AEBP1: variants seen among roughly 807,000 people sequenced by gnomAD.
The protein encoded by AEBP1 is AE binding protein 1.
AEBP1 carries 69 observed loss-of-function variants against 116.5 expected under a neutral mutation model. That is an observed-to-expected ratio of 0.59 (90% CI 0.49 to 0.72). The LOEUF (loss-of-function observed/expected upper bound fraction) is 0.72. Ranked by LOEUF, AEBP1 falls within the 30% of genes least tolerant of loss-of-function variation. The pLI is 0.00. For missense variants in AEBP1, 1,444 were observed against 1,557.5 expected (o/e 0.93, Z 1.23); for synonymous variants, 627 against 627.3 (o/e 1.00, Z 0.01).
In AEBP1 at chr7:44,108,522, C is replaced by A. The variant is rs191202710; in HGVS notation, c.941-377C>A. On this transcript the variant is annotated intron_variant, in intron 6 of 20. Coordinates refer to ENST00000223357, the MANE Select transcript of AEBP1 (RefSeq NM_001129.5). The surrounding 1 kb of genome is among the most constrained non-coding windows in gnomAD (Gnocchi z 5.0). ...TTCCCTTTCCTCCTGGGTGGCAGCCCGTGCATCGCCATTTCCCTGCCCCCA... is the reference window on the plus strand; with the variant it reads ...TTCCCTTTCCTCCTGGGTGGCAGCCAGTGCATCGCCATTTCCCTGCCCCCA... Among the ~76,000 whole-genome samples the A allele has an allele frequency of 6.6e-6, 1 of 152,090 alleles. No individual in the cohort carries two copies. The highest frequency in any genetic ancestry group is 1.5e-5 in the Non-Finnish European group (1 of 67,990).
rs879119975 is a variant in AEBP1, at chr7:44,113,486, G to T, written c.2810-108G>T. ...AAATTCAGAGAGGGAGGGCGGTGCT[G>T]GGGGCGGGAACTCAGAGGGGGAGGG... On this transcript the variant is annotated intron_variant, in intron 20 of 20. Coordinates refer to ENST00000223357, the MANE Select transcript of AEBP1 (RefSeq NM_001129.5). The surrounding 1 kb of genome is among the most constrained non-coding windows in gnomAD (Gnocchi z 5.3). 1 of 1,351,636 alleles carries T rather than the reference G, an allele frequency of 7.4e-7. No homozygotes were observed. The highest frequency in any genetic ancestry group is 9.8e-7 in the Non-Finnish European group (1 of 1,021,192). 83.7% of individuals were successfully genotyped at this position (1,351,636 alleles called of 1,614,324 possible).
rs2096228668 is a variant in AEBP1 at position 44,110,944 on chromosome 7, C to A, written c.1517C>A (p.Pro506His). Residue 506 changes from proline to histidine, a missense_variant, in exon 13 of 21, where the codon CCC becomes CAC. Physicochemically the swap from Pro to His is moderately conservative, Grantham distance 77. Coordinates refer to ENST00000223357, the MANE Select transcript of AEBP1 (RefSeq NM_001129.5). Reference sequence around the variant, plus strand: ...CATGGGAACGTGGACAAGGACACACCCGTGCTGAGTGAGCTCCCAGAGCCG... The same window carrying A: ...CATGGGAACGTGGACAAGGACACACACGTGCTGAGTGAGCTCCCAGAGCCG... ...TFHGNVDKDT[P>H]VLSELPEPVV... 6.2e-7 allele frequency: 1 copy of A among 1,613,916 alleles called. No individual in the cohort carries two copies. Among genetic ancestry groups the A allele is most frequent in the African/African-American group, 1.3e-5 (1 of 74,922 alleles).
chr7:44,108,310 T>G lies in AEBP1; in HGVS notation c.940+226T>G, dbSNP rs1379023725. On this transcript the variant is annotated intron_variant, in intron 6 of 20. Coordinates refer to ENST00000223357, the MANE Select transcript of AEBP1 (RefSeq NM_001129.5). The surrounding 1 kb of genome is among the most constrained non-coding windows in gnomAD (Gnocchi z 5.0). ...GCCGCTTCCCTGGTTCCTGCTTGGC[T>G]GTGACCCCCACAGGGGTGTCCCTAG... Among the ~76,000 whole-genome samples, 1 of 152,080 alleles carries G rather than the reference T, an allele frequency of 6.6e-6. No individual in the cohort carries two copies.
At chr7:44,105,004 A>G in intron 1 of AEBP1, 86 bp downstream of exon 1, 1 of 1,125,328 alleles carries the variant, frequency 8.9e-7, no homozygotes. Flanking sequence ...GCCACTCCCC[A>G]GTCTGCTAGG....
chr7:44,107,405 C>T lies in AEBP1; in HGVS notation c.596-34C>T. 6.2e-7 allele frequency: 1 copy of T among 1,610,586 alleles called. No homozygotes were observed. Among genetic ancestry groups the T allele is most frequent in the South Asian group, 1.1e-5 (1 of 91,004 alleles). On this transcript the variant is annotated intron_variant, in intron 2 of 20. Transcript: ENST00000223357. The surrounding 1 kb of genome is among the most constrained non-coding windows in gnomAD (Gnocchi z 4.3). ...TCCCAAGGTGGTCAGAGCAGGCCTCCCGCCCACCTGCTTCTGGAACTCCTG... is the reference window on the plus strand; with the variant it reads ...TCCCAAGGTGGTCAGAGCAGGCCTCTCGCCCACCTGCTTCTGGAACTCCTG...
At position 44,107,303 on chromosome 7, in the gene AEBP1, TC is replaced by T; in HGVS notation, c.596-134del. ...GCTGAAGGCCAGAGGAGCTCAGGCC[TC>T]CTTGGAGTGAGCTCGGCCTCAGGAG... is the stretch of plus-strand genomic sequence containing the variant. On this transcript the variant is annotated intron_variant, in intron 2 of 20. Transcript: ENST00000223357. The surrounding 1 kb of genome is among the most constrained non-coding windows in gnomAD (Gnocchi z 4.3). 1.2e-6 allele frequency: 1 copy of T among 835,924 alleles called. No individual in the cohort carries two copies. 51.8% of individuals were successfully genotyped at this position (835,924 alleles called of 1,614,324 possible). A position where few individuals can be genotyped will look rare whatever the true frequency, so the allele number is the denominator to read the frequency against.
At position 44,110,001 on chromosome 7, in the gene AEBP1, G is replaced by T. The variant is rs769517797; in HGVS notation, c.1151-14G>T. The T allele has an allele frequency of 2.6e-5, 42 of 1,608,964 alleles. No individual in the cohort carries two copies. Among genetic ancestry groups the T allele is most frequent in the Non-Finnish European group, 2.9e-5 (34 of 1,176,972 alleles). ...GGAGCTAGTGAGCCACCATTCTGGGGTACGCGTCCTCAGAGTGTCCCCCCA... is the reference window on the plus strand; with the variant it reads ...GGAGCTAGTGAGCCACCATTCTGGGTTACGCGTCCTCAGAGTGTCCCCCCA... On this transcript the variant is annotated splice_polypyrimidine_tract_variant and intron_variant, in intron 9 of 20. Transcript: ENST00000223357.
In AEBP1 at chr7:44,112,648, T is replaced by C; in HGVS notation, c.2308T>C (p.Ser770Pro). ...TCTGAACGGCGGCGAGCGGCTAGTA[T>C]CCTACCCCTACGATATGGCCCGCAC... is the stretch of plus-strand genomic sequence containing the variant. Reference protein sequence around the residue: ...ANLNGGERLVSYPYDMARTPT... With the variant: ...ANLNGGERLVPYPYDMARTPT... The change falls in exon 18 of 21, where the codon TCC becomes CCC. Residue 770 changes from serine (S) to proline (P), a missense_variant. By Grantham distance (74) the Ser-to-Pro change is moderately conservative (BLOSUM62 -1). Transcript: ENST00000223357. This position sits in a 1 kb window ranked among gnomAD's most constrained non-coding sequence, Gnocchi z 6.6. 6.2e-7 allele frequency: 1 copy of C among 1,613,172 alleles called. No individual in the cohort carries two copies. The highest frequency in any genetic ancestry group is 8.5e-7 in the Non-Finnish European group (1 of 1,179,964).
At chr7:44,109,976 G>T (rs1380357469) in intron 9 of AEBP1, 39 bp from the exon 10 acceptor site, 1 of 1,570,552 alleles carries the variant, frequency 6.4e-7, no homozygotes, top group Admixed American at 1.7e-5. Flanking sequence ...AGGGAAGGAT[G>T]GAGCTAGTGA....
rs2096223681 is a variant in AEBP1 at position 44,107,033 on chromosome 7, C to T, written c.595+146C>T. ...GGAACCTCACTTTTGCTATAAATTT[C>T]ACAATTTGATTGGTGGGCTCCCTCA... On this transcript the variant is annotated intron_variant, in intron 2 of 20. Coordinates refer to ENST00000223357, the MANE Select transcript of AEBP1 (RefSeq NM_001129.5). This position sits in a 1 kb window ranked among gnomAD's most constrained non-coding sequence, Gnocchi z 4.3. 1 of 705,886 alleles carries T rather than the reference C, an allele frequency of 1.4e-6. No individual in the cohort carries two copies. The highest frequency in any genetic ancestry group is 1.8e-5 in the African/African-American group (1 of 55,858). The allele number at this position is 705,886 out of a possible 1,614,324, so 43.7% of individuals were successfully genotyped here. A position where few individuals can be genotyped will look rare whatever the true frequency, so the allele number is the denominator to read the frequency against.
In AEBP1 at chr7:44,111,773, G is replaced by T. The variant is rs2096229668; in HGVS notation, c.1841-81G>T. 3.3e-6 allele frequency: 5 copies of T among 1,534,492 alleles called. No homozygotes were observed. In the Admixed American group the frequency reaches 7.7e-5, roughly 24 times the overall value. ...CCCCAGCTGTCCCCCAGACCCTCGG[G>T]TATGAGGTGGGTCTGGGTCCTTCCT... is the stretch of plus-strand genomic sequence containing the variant. On this transcript the variant is annotated intron_variant, in intron 15 of 20. Transcript: ENST00000223357. This position sits in a 1 kb window ranked among gnomAD's most constrained non-coding sequence, Gnocchi z 4.7.
At chr7:44,106,438 G>A (rs774405646) in intron 1 of AEBP1, 108 bp from the exon 2 acceptor site, 5 of 1,212,498 alleles carry the variant, frequency 4.1e-6, no homozygotes, top group East Asian at 2.5e-5. Flanking sequence ...GATCCGCACT[G>A]GGAACTGACA....
In AEBP1 at chr7:44,114,153, C is replaced by T. The variant is rs542261906; in HGVS notation, c.3369C>T (p.Pro1123=). 69 of 1,613,982 alleles carry T rather than the reference C, an allele frequency of 4.3e-5. 1 individual carries two copies. The Middle Eastern group carries it at 8.2e-4, about 19-fold the overall frequency. Residue 1123 remains proline, a synonymous_variant, in exon 21 of 21, where the codon CCC becomes CCT. Transcript: ENST00000223357. ...LEPEFETQLE[P]EFEEEEEEEK... is the part of the protein sequence containing the mutation. ...CTGAGTTTGAGACCCAGCTGGAACC[C>T]GAGTTTGAGGAAGAGGAGGAGGAGG... is the stretch of plus-strand genomic sequence containing the variant.
chr7:44,106,863 C>T lies in AEBP1; in HGVS notation c.571C>T (p.Pro191Ser), dbSNP rs1421144047. 6.3e-7 allele frequency: 1 copy of T among 1,591,212 alleles called. No homozygotes were observed. The highest frequency in any genetic ancestry group is 2.3e-5 in the East Asian group (1 of 44,258). The change falls in exon 2 of 21, where the codon CCC (proline) becomes TCC (serine). Residue 191 changes from proline to serine, a missense_variant. Transcript: ENST00000223357. Reference protein sequence around the residue: ...WPLPPPPSPGPEELPQEGGAP... With the variant: ...WPLPPPPSPGSEELPQEGGAP... ...ACTGCCCCCACCCCCCAGCCCTGGC[C>T]CCGAGGAGCTACCCCAGGAGGGAGG...
rs375971200 is a variant in AEBP1 at position 44,113,549 on chromosome 7, C to T, written c.2810-45C>T. On this transcript the variant is annotated intron_variant, in intron 20 of 20. Coordinates refer to ENST00000223357, the MANE Select transcript of AEBP1 (RefSeq NM_001129.5). This position sits in a 1 kb window ranked among gnomAD's most constrained non-coding sequence, Gnocchi z 5.3. The stretch of plus-strand genomic sequence containing the variant: ...CAGGACTGAGTGGGAGGGTGGGGGC[C>T]TGGGAGGGGCGCTCTGGGGCAGCCG... 6 of 1,484,832 alleles carry T rather than the reference C, an allele frequency of 4.0e-6. No homozygotes were observed. Among genetic ancestry groups the T allele is most frequent in the Non-Finnish European group, 5.4e-6 (6 of 1,117,668 alleles). The allele number at this position is 1,484,832 out of a possible 1,614,324, so 92.0% of individuals were successfully genotyped here.
Position 44,107,889 on chromosome 7 carries a change from C to T in AEBP1, c.820C>T (p.Pro274Ser). 6.2e-7 allele frequency: 1 copy of T among 1,600,204 alleles called. No homozygotes were observed. Among genetic ancestry groups the T allele is most frequent in the South Asian group, 1.1e-5 (1 of 89,232 alleles). The change falls in exon 5 of 21, where the codon CCT becomes TCT. Residue 274 changes from proline (P) to serine (S), a missense_variant. By Grantham distance (74) the Pro-to-Ser change is moderately conservative. Coordinates refer to ENST00000223357, the MANE Select transcript of AEBP1 (RefSeq NM_001129.5). The surrounding 1 kb of genome is among the most constrained non-coding windows in gnomAD (Gnocchi z 4.3). The stretch of plus-strand genomic sequence containing the variant: ...GCCCGAGCGGGTCTGGCCAGAGCCC[C>T]CTGAGGAGAAGGCCCCGGCCCCAGC... ...RRPERVWPEP[P>S]EEKAPAPAPE... is the part of the protein sequence containing the mutation.
At position 44,111,432 on chromosome 7, in the gene AEBP1, C is replaced by T; in HGVS notation, c.1717-75C>T. 1.3e-6 allele frequency: 2 copies of T among 1,506,774 alleles called. No individual in the cohort carries two copies. The highest frequency in any genetic ancestry group is 1.8e-6 in the Non-Finnish European group (2 of 1,126,542). The allele number at this position is 1,506,774 out of a possible 1,614,324, so 93.3% of individuals were successfully genotyped here. ...GCCCGTCCCTCGCCATAGAGCAGGC[C>T]CTGGAAGTGGAAGGGGCATGGTCAG... On this transcript the variant is annotated intron_variant, in intron 14 of 20. Transcript: ENST00000223357. The surrounding 1 kb of genome is among the most constrained non-coding windows in gnomAD (Gnocchi z 4.7).
At position 44,114,101 on chromosome 7, in the gene AEBP1, A is replaced by T; in HGVS notation, c.3317A>T (p.Glu1106Val). 1.9e-6 allele frequency: 3 copies of T among 1,613,872 alleles called. No individual in the cohort carries two copies. Among genetic ancestry groups the T allele is most frequent in the Non-Finnish European group, 2.5e-6 (3 of 1,179,988 alleles). ...GAGCCCGAGTTTGGGACCAAGGTGG[A>T]GCCCGAGTTTGAGACCCAGTTGGAG... ...EVEPEFGTKV[E>V]PEFETQLEPE... Residue 1106 changes from glutamate to valine, a missense_variant, in exon 21 of 21, where the codon GAG becomes GTG. Glu to Val is a moderately radical substitution (Grantham distance 121). Coordinates refer to ENST00000223357, the MANE Select transcript of AEBP1 (RefSeq NM_001129.5).
rs755589939 is a variant in AEBP1, at chr7:44,112,279, T to C, written c.2175T>C (p.Asn725=). 4.4e-6 allele frequency: 7 copies of C among 1,585,190 alleles called. No individual in the cohort carries two copies. The highest frequency in any genetic ancestry group is 3.4e-5 in the South Asian group (3 of 88,698). Residue 725 remains asparagine (N), a synonymous_variant, in exon 17 of 21, where the codon AAT becomes AAC. Transcript: ENST00000223357. The surrounding 1 kb of genome is among the most constrained non-coding windows in gnomAD (Gnocchi z 6.6). The stretch of plus-strand genomic sequence containing the variant: ...GGGTCCCCTACCGGGTCCCCAACAA[T>C]AACTTGCCCATCCCTGAACGCTACC... The part of the protein sequence containing the change: ...RKWVPYRVPN[N]NLPIPERYLS...
Sources: gnomAD v4.1 joint callset for allele counts (sites outside exome capture counted in the v4.1 genomes callset) on GRCh38, gnomAD v4.1.1 for gene constraint, Gnocchi (gnomAD v3.1) non-coding constraint, MANE v1.5 for transcripts, NCBI Gene and HGNC (gene_info 2026-07-23, HGNC 2026-07-21) for gene names.